The following CNTNAP5 variants were observed in gnomAD, a reference collection of about 807,000 sequenced individuals.
The protein encoded by CNTNAP5 is contactin associated protein family member 5.
CNTNAP5 carries 72 observed loss-of-function variants against 150.2 expected under a neutral mutation model. That is an observed-to-expected ratio of 0.48 (90% CI 0.40 to 0.58). The LOEUF (loss-of-function observed/expected upper bound fraction) is 0.58, where lower values mean the gene tolerates loss of function less well. Among genes scored for constraint, CNTNAP5 ranks in the 20% least tolerant of loss-of-function variants. The pLI, the probability that CNTNAP5 is intolerant of heterozygous loss-of-function variation, is 0.00. For missense variants in CNTNAP5, 1,636 were observed against 1,626.2 expected (o/e 1.01, Z -0.10); for synonymous variants, 672 against 619.8 (o/e 1.08, Z -1.25).
chr2:124,044,582 A>T (rs977689051), intron 1 of CNTNAP5, among the ~76,000 whole-genome samples: 1 of 152,022 alleles, frequency 6.6e-6, no homozygotes, highest in Non-Finnish European at 1.5e-5. Context: ...TTTTTTTCAA[A>T]CTGTGGACTA....
chr2:124,670,175 T>TCCTTCCTCCCTC (rs1441589633), intron 13 of CNTNAP5, among the ~76,000 whole-genome samples: 10 of 136,396 alleles, frequency 7.3e-5, no homozygotes, highest in Non-Finnish European at 1.1e-4. Context: ...CTTCCTTCCT[T>TCCTTCCTCCCTC]CCTCCCTCTC....
chr2:124,686,882 T>A (rs1032656322), intron 13 of CNTNAP5, among the ~76,000 whole-genome samples: 22 of 152,112 alleles, frequency 1.4e-4, no homozygotes, highest in African/African-American at 4.8e-4. Flanking sequence ...AATACATTTT[T>A]AAAAATCCCA....
chr2:124,495,847 C>T (rs1028172170), intron 7 of CNTNAP5, among the ~76,000 whole-genome samples: 9 of 152,148 alleles, frequency 5.9e-5, no homozygotes, highest in African/African-American at 1.7e-4. Flanking sequence ...TCTTCCTCCA[C>T]CCAAGTCCTA....
intron 10 of CNTNAP5, among the ~76,000 whole-genome samples, chr2:124,559,203 C>T (rs563863935): frequency 6.6e-6 from 1 of 152,292 alleles, no homozygotes; most frequent in African/African-American, 2.4e-5. Context: ...AGCAATGATC[C>T]TTCTCTTTTG....
rs1368455605 is a variant in CNTNAP5 at position 124,803,109 on chromosome 2, CTT to C, written c.3217+4790_3217+4791del. On this transcript the variant is annotated intron_variant, in intron 19 of 23. Coordinates refer to ENST00000682447, the MANE Select transcript of CNTNAP5 (RefSeq NM_001367498.1). ...CAGGCTGGGCGACAGAGCAAGACTCCTTCAAAAAAAAAAAAAAAGAAGTCTAG... is the reference window on the plus strand; with the variant it reads ...CAGGCTGGGCGACAGAGCAAGACTCCCAAAAAAAAAAAAAAAGAAGTCTAG... Among the ~76,000 whole-genome samples the C allele has an allele frequency of 1.6e-3, 207 of 130,400 alleles. 1 individual carries two copies. Among genetic ancestry groups the C allele is most frequent in the African/African-American group, 6.2e-3 (180 of 28,942 alleles). The allele number at this position is 130,400 out of a possible 152,430, so 85.5% of individuals were successfully genotyped here.
At chr2:124,197,986 AT>A (rs1266446460) in intron 1 of CNTNAP5, among the ~76,000 whole-genome samples, 5 of 149,972 alleles carry the variant, frequency 3.3e-5, no homozygotes, top group African/African-American at 9.8e-5. Context: ...CAAAAAAAAA[AT>A]AATAAAAATA....
At chr2:124,130,412 C>G (rs1248360036) in intron 1 of CNTNAP5, among the ~76,000 whole-genome samples, 1 of 152,030 alleles carries the variant, frequency 6.6e-6, no homozygotes, top group Non-Finnish European at 1.5e-5. Flanking sequence ...GCCTGTATAC[C>G]TGCCCCCTCC....
Position 124,701,652 on chromosome 2 carries a change from C to T in CNTNAP5, c.2078-45577C>T, listed in dbSNP as rs185535805. 1.9e-3 allele frequency among the ~76,000 whole-genome samples: 292 copies of T among 152,190 alleles called. 1 individual carries two copies. Among genetic ancestry groups the T allele is most frequent in the Middle Eastern group, 0.01 (3 of 294 alleles). ...CCTGTGAACAAGGTACAAGAGTTCC[C>T]TTCTATCCACACCCTTGCCAACATT... On this transcript the variant is annotated intron_variant, in intron 13 of 23. Transcript: ENST00000682447.
chr2:124,192,061 TTAACTC>T (rs1413832389), intron 1 of CNTNAP5, among the ~76,000 whole-genome samples: 1 of 152,118 alleles, frequency 6.6e-6, no homozygotes, highest in Non-Finnish European at 1.5e-5. Context: ...CCCATGAAAA[TTAACTC>T]TATTGCTTAA....
At chr2:124,372,705 C>T (rs1690557855) in intron 3 of CNTNAP5, among the ~76,000 whole-genome samples, 1 of 152,066 alleles carries the variant, frequency 6.6e-6, no homozygotes, top group African/African-American at 2.4e-5. Context: ...TACTTCTATG[C>T]TTACGAATGT....
chr2:124,354,235 G>A (rs1487175766), intron 3 of CNTNAP5, among the ~76,000 whole-genome samples: 1 of 152,112 alleles, frequency 6.6e-6, no homozygotes, highest in Non-Finnish European at 1.5e-5. Context: ...AAATAACACT[G>A]CGGATGTTTT....
chr2:124,280,678 C>T (rs1356141487), intron 3 of CNTNAP5, among the ~76,000 whole-genome samples: 1 of 152,090 alleles, frequency 6.6e-6, no homozygotes, highest in African/African-American at 2.4e-5. Flanking sequence ...TGGCCTCTAG[C>T]TTTGGAGGCC....
rs111884495 is a variant in CNTNAP5, at chr2:124,223,321, A to C, written c.187+1512A>C. On this transcript the variant is annotated intron_variant, in intron 2 of 23. Transcript: ENST00000682447. ...ATCAACCACAGTTCAAATGCGAGCT[A>C]TGCCACTTAAAAACTCTCTGACTGT... Among the ~76,000 whole-genome samples the C allele has an allele frequency of 3.2e-3, 482 of 152,256 alleles. 3 individuals are homozygous for C. Among genetic ancestry groups the C allele is most frequent in the African/African-American group, 0.011 (458 of 41,568 alleles).
intron 3 of CNTNAP5, among the ~76,000 whole-genome samples, chr2:124,297,887 C>T (rs1688481409): frequency 6.6e-6 from 1 of 150,572 alleles, no homozygotes; most frequent in Non-Finnish European, 1.5e-5. Context: ...CTCTGTTGCC[C>T]AGGCTGGAGT....
intron 3 of CNTNAP5, among the ~76,000 whole-genome samples, chr2:124,362,130 C>A (rs867462023): frequency 3.9e-5 from 6 of 152,234 alleles, no homozygotes; most frequent in South Asian, 2.1e-4. Flanking sequence ...TGACCCCTTG[C>A]GCTTCCCAAG....
chr2:124,650,825 TCTC>T (rs1180340347), intron 13 of CNTNAP5, among the ~76,000 whole-genome samples: 2 of 152,198 alleles, frequency 1.3e-5, no homozygotes, highest in African/African-American at 4.8e-5. Context: ...AATGAACAAA[TCTC>T]CTATTTGGAC....
intron 10 of CNTNAP5, among the ~76,000 whole-genome samples, chr2:124,534,473 G>T (rs905087267): frequency 7.2e-5 from 11 of 152,158 alleles, no homozygotes; most frequent in African/African-American, 2.7e-4. Flanking sequence ...TCCAAGAACT[G>T]AGGGTTCTTG....
At position 124,527,425 on chromosome 2, in the gene CNTNAP5, T is replaced by A; in HGVS notation, c.1618T>A (p.Leu540Ile). 1 of 1,613,724 alleles carries A rather than the reference T, an allele frequency of 6.2e-7. No homozygotes were observed. The highest frequency in any genetic ancestry group is 8.5e-7 in the Non-Finnish European group (1 of 1,179,692). Residue 540 changes from leucine (L) to isoleucine (I), a missense_variant, in exon 10 of 24, where the codon TTA (leucine) becomes ATA (isoleucine). By Grantham distance (5) the Leu-to-Ile change is conservative. Transcript: ENST00000682447. ...QQGSLGNFSDLHIDLCSIKDR... is the reference protein window; with the variant it reads ...QQGSLGNFSDIHIDLCSIKDR... ...AGGTTCCCTGGGGAATTTTAGTGAT[T>A]TACACATTGATCTGTGTAGCATCAA...
At chr2:124,400,675 T>TTTG (rs1691391040) in intron 3 of CNTNAP5, among the ~76,000 whole-genome samples, 2 of 92,942 alleles carry the variant, frequency 2.2e-5, no homozygotes, top group South Asian at 1.0e-3. Context: ...CATTGTTTTT[T>TTTG]TTTTTTTTTT....
Sources: gnomAD v4.1 joint callset for allele counts (sites outside exome capture counted in the v4.1 genomes callset) on GRCh38, gnomAD v4.1.1 for gene constraint, MANE v1.5 for transcripts, NCBI Gene and HGNC (gene_info 2026-07-23, HGNC 2026-07-21) for gene names.